AHCYL2: variants seen among roughly 807,000 people sequenced by gnomAD.
AHCYL2 encodes S-adenosylhomocysteine hydrolase-like protein 2.
AHCYL2 carries 28 observed loss-of-function variants against 81.4 expected under a neutral mutation model. The ratio of observed to expected loss-of-function variants is 0.34; its 90% confidence interval spans 0.25 to 0.47. The LOEUF is 0.47. Ranked by LOEUF, AHCYL2 falls within the 20% of genes least tolerant of loss-of-function variation. The pLI is 1.00. For synonymous variants in AHCYL2, 272 were observed against 290.2 expected (o/e 0.94, Z 0.64); for missense variants, 551 against 785.1 (o/e 0.70, Z 3.56).
chr7:129,298,715 A>T (rs1797138605), intron 1 of AHCYL2, among the ~76,000 whole-genome samples: 1 of 152,242 alleles, frequency 6.6e-6, no homozygotes, highest in Non-Finnish European at 1.5e-5. Flanking sequence ...GATATTTGTC[A>T]TTCTACCAAG....
intron 1 of AHCYL2, 63 bp downstream of exon 1, chr7:129,225,502 C>A (rs897399748): frequency 1.1e-5 from 15 of 1,421,672 alleles, no homozygotes; most frequent in Non-Finnish European, 1.4e-5. Flanking sequence ...CAGATCCTCT[C>A]GGCACGGCGG....
At chr7:129,379,123 A>G (rs1237185665) in intron 1 of AHCYL2, among the ~76,000 whole-genome samples, 1 of 152,092 alleles carries the variant, frequency 6.6e-6, no homozygotes, top group Non-Finnish European at 1.5e-5. Flanking sequence ...TCTACTAAAA[A>G]TATAAAAATT....
rs1190084827 is a variant in AHCYL2 at position 129,379,763 on chromosome 7, TG to T, written c.475+15del. ...GCTACAGCTCAGGTGAGTACTGAAC[TG>T]CTGTGGACCCAGCTGTTGAGGCTAA... On this transcript the variant is annotated intron_variant, in intron 2 of 16. Transcript: ENST00000325006. The T allele has an allele frequency of 6.3e-7, 1 of 1,598,380 alleles. No homozygotes were observed. Among genetic ancestry groups the T allele is most frequent in the African/African-American group, 1.3e-5 (1 of 74,444 alleles).
At chr7:129,280,221 G>C (rs1276929762) in intron 1 of AHCYL2, among the ~76,000 whole-genome samples, 1 of 126,338 alleles carries the variant, frequency 7.9e-6, no homozygotes, top group Non-Finnish European at 1.6e-5. Context: ...CCAGGCTGGA[G>C]TACAGTGGCA....
chr7:129,403,518 G>A, intron 7 of AHCYL2, 33 bp downstream of exon 7: 2 of 1,466,888 alleles, frequency 1.4e-6, no homozygotes, highest in Non-Finnish European at 1.9e-6. Context: ...CTGGTTTTAT[G>A]CAGTCTAGAC....
chr7:129,327,403 C>T (rs984144845), intron 1 of AHCYL2, among the ~76,000 whole-genome samples: 1 of 152,264 alleles, frequency 6.6e-6, no homozygotes, highest in East Asian at 1.9e-4. Context: ...GTTGGTTAAT[C>T]CACCTAGTCT....
At chr7:129,253,373 A>T (rs1795305915) in intron 1 of AHCYL2, among the ~76,000 whole-genome samples, 1 of 152,222 alleles carries the variant, frequency 6.6e-6, no homozygotes, top group East Asian at 1.9e-4. Context: ...TAGAGCACTT[A>T]CAAATATGAA....
chr7:129,376,638 C>T (rs1025455845), intron 1 of AHCYL2, among the ~76,000 whole-genome samples: 1 of 152,218 alleles, frequency 6.6e-6, no homozygotes, highest in African/African-American at 2.4e-5. Flanking sequence ...CTTGAGCCTA[C>T]AATCTAGAGT....
intron 1 of AHCYL2, among the ~76,000 whole-genome samples, chr7:129,264,328 A>G (rs899865332): frequency 2.0e-5 from 3 of 152,186 alleles, no homozygotes; most frequent in Non-Finnish European, 2.9e-5. Flanking sequence ...CCAGTAGAAG[A>G]TATTTTAGAC....
chr7:129,288,171 G>C (rs1796704828), intron 1 of AHCYL2, among the ~76,000 whole-genome samples: 1 of 151,972 alleles, frequency 6.6e-6, no homozygotes, highest in Non-Finnish European at 1.5e-5. Context: ...TTATTGATTT[G>C]TCTCTTAACA....
intron 1 of AHCYL2, among the ~76,000 whole-genome samples, chr7:129,325,998 C>T (rs565079649): frequency 5.1e-4 from 78 of 152,262 alleles, no homozygotes; most frequent in African/African-American, 1.6e-3. Flanking sequence ...AGCCACCTCG[C>T]CTGGCTTAAG....
rs1389506588 is a variant in AHCYL2, at chr7:129,368,012, G to C, written c.364-11626G>C. 4 of 748,162 alleles carry C rather than the reference G, an allele frequency of 5.3e-6. No homozygotes were observed. Among genetic ancestry groups the C allele is most frequent in the African/African-American group, 3.8e-5 (2 of 52,500 alleles). The allele number at this position is 748,162 out of a possible 1,614,324, so 46.3% of individuals were successfully genotyped here. A position where few individuals can be genotyped will look rare whatever the true frequency, so the allele number is the denominator to read the frequency against. ...TACTGATCCAAATCAAGCAACTCTTGAGAAATGGGAGTGCCTTCCTGACCT... is the reference window on the plus strand; with the variant it reads ...TACTGATCCAAATCAAGCAACTCTTCAGAAATGGGAGTGCCTTCCTGACCT... On this transcript the variant is annotated intron_variant, in intron 1 of 16. Transcript: ENST00000325006. This position sits in a 1 kb window ranked among gnomAD's most constrained non-coding sequence, Gnocchi z 4.4.
chr7:129,228,031 G>A (rs1794290433), intron 1 of AHCYL2, among the ~76,000 whole-genome samples: 1 of 152,172 alleles, frequency 6.6e-6, no homozygotes, highest in Non-Finnish European at 1.5e-5. Flanking sequence ...AGGAACTGCA[G>A]TGTGACATTT....
chr7:129,346,521 A>T (rs1793367448), intron 1 of AHCYL2, among the ~76,000 whole-genome samples: 2 of 152,228 alleles, frequency 1.3e-5, no homozygotes, highest in Admixed American at 1.3e-4. Flanking sequence ...TCAAATAAGC[A>T]TCTAAAAAGA....
At chr7:129,238,652 A>T (rs958031331) in intron 1 of AHCYL2, among the ~76,000 whole-genome samples, 5 of 152,138 alleles carry the variant, frequency 3.3e-5, no homozygotes, top group Non-Finnish European at 7.4e-5. Flanking sequence ...AGGTTTCACC[A>T]TGTGTCAGAA....
intron 4 of AHCYL2, among the ~76,000 whole-genome samples, chr7:129,394,755 CTT>C (rs1469929902): frequency 2.0e-5 from 3 of 152,094 alleles, no homozygotes; most frequent in Non-Finnish European, 4.4e-5. Flanking sequence ...CTGTATTTGA[CTT>C]TTTATTGTTT....
At chr7:129,305,110 A>G (rs1161434011) in intron 1 of AHCYL2, among the ~76,000 whole-genome samples, 2 of 152,132 alleles carry the variant, frequency 1.3e-5, no homozygotes, top group East Asian at 1.9e-4. Flanking sequence ...ATAACCCATT[A>G]TTTTAAACTG....
chr7:129,292,790 GT>G (rs1188039468), intron 1 of AHCYL2, among the ~76,000 whole-genome samples: 1 of 151,574 alleles, frequency 6.6e-6, no homozygotes, highest in Non-Finnish European at 1.5e-5. Context: ...AAGAAAGTAA[GT>G]TATGTTAATA....
chr7:129,250,719 T>C (rs1374826478), intron 1 of AHCYL2, among the ~76,000 whole-genome samples: 1 of 151,468 alleles, frequency 6.6e-6, no homozygotes, highest in African/African-American at 2.4e-5. Context: ...TAGTTTTGGC[T>C]GACTAAGGGA....
Sources: gnomAD v4.1 joint callset for allele counts (sites outside exome capture counted in the v4.1 genomes callset) on GRCh38, gnomAD v4.1.1 for gene constraint, Gnocchi (gnomAD v3.1) non-coding constraint, MANE v1.5 for transcripts, NCBI Gene and HGNC (gene_info 2026-07-23, HGNC 2026-07-21) for gene names.